KCNIP4: variants seen among roughly 807,000 people sequenced by gnomAD.
KCNIP4 encodes the protein Kv channel-interacting protein 4.
In KCNIP4, 12 loss-of-function variants were observed where a neutral mutation model predicts 34.0. The observed-to-expected ratio is 0.35, with a 90% confidence interval of 0.23 to 0.57. The LOEUF is 0.57. KCNIP4 is among the 20% of genes least tolerant of loss of function. The pLI, the probability that KCNIP4 is intolerant of heterozygous loss-of-function variation, is 0.83. For synonymous variants in KCNIP4, 124 were observed against 102.2 expected (o/e 1.21, Z -1.29); for missense variants, 238 against 311.7 (o/e 0.76, Z 1.78).
At chr4:20,901,638 G>A (rs973464061) in intron 1 of KCNIP4, among the ~76,000 whole-genome samples, 3 of 152,144 alleles carry the variant, frequency 2.0e-5, no homozygotes, top group African/African-American at 4.8e-5. Flanking sequence ...AATGGCATTG[G>A]TGATACATAG....
chr4:20,925,067 A>C (rs1416556815), intron 1 of KCNIP4, among the ~76,000 whole-genome samples: 5 of 152,192 alleles, frequency 3.3e-5, no homozygotes, highest in African/African-American at 1.2e-4. Flanking sequence ...AATGGTCTGA[A>C]TCACTATTTT....
At chr4:21,108,649 G>A (rs1425506633) in intron 1 of KCNIP4, among the ~76,000 whole-genome samples, 3 of 151,714 alleles carry the variant, frequency 2.0e-5, no homozygotes, top group African/African-American at 2.4e-5. Context: ...GAGGAACTGC[G>A]TTCCTTTGGA....
At chr4:20,860,232 C>T (rs556981802) in intron 2 of KCNIP4, among the ~76,000 whole-genome samples, 44 of 152,086 alleles carry the variant, frequency 2.9e-4, no homozygotes, top group African/African-American at 1.1e-3. Context: ...CTCCGCCTCC[C>T]AGGTTAAAGC....
intron 1 of KCNIP4, among the ~76,000 whole-genome samples, chr4:21,944,684 A>T (rs139543461): frequency 0.031 from 4,740 of 152,266 alleles, 99 homozygotes; most frequent in Middle Eastern, 0.068. Flanking sequence ...GTCAGACTTC[A>T]TGCTCAATAC....
Position 21,272,252 on chromosome 4 carries a change from A to G in KCNIP4, c.62-389543T>C, listed in dbSNP as rs79268488. ...TAAAGTTGTTGGGAAGTGTAAATGA[A>G]TTATTGTATGAAAAGCTCTGGGAAT... On this transcript the variant is annotated intron_variant, in intron 1 of 8. Transcript: ENST00000382152. Among the ~76,000 whole-genome samples the G allele has an allele frequency of 4.4e-4, 67 of 152,330 alleles. No individual in the cohort carries two copies. In the East Asian group the frequency reaches 0.012, roughly 28 times the overall value.
At chr4:21,821,486 A>G (rs1205594849) in intron 1 of KCNIP4, among the ~76,000 whole-genome samples, 1 of 152,190 alleles carries the variant, frequency 6.6e-6, no homozygotes, top group Non-Finnish European at 1.5e-5. Context: ...CGCAGTTGAA[A>G]TTGAGCAGGG....
intron 1 of KCNIP4, among the ~76,000 whole-genome samples, chr4:21,304,906 T>G (rs1408278988): frequency 6.6e-6 from 1 of 152,124 alleles, no homozygotes; most frequent in Non-Finnish European, 1.5e-5. Flanking sequence ...CAGTATTTAA[T>G]GTGTCCTTCT....
chr4:21,276,046 T>A (rs1762416066), intron 1 of KCNIP4, among the ~76,000 whole-genome samples: 1 of 152,224 alleles, frequency 6.6e-6, no homozygotes, highest in South Asian at 2.1e-4. Flanking sequence ...GGGCTACATG[T>A]GGCCTGCAGG....
At chr4:21,550,351 T>C (rs1179450227) in intron 1 of KCNIP4, among the ~76,000 whole-genome samples, 2 of 152,086 alleles carry the variant, frequency 1.3e-5, no homozygotes, top group Non-Finnish European at 2.9e-5. Context: ...GAGGGTAAAC[T>C]ACATTAATAA....
At chr4:21,442,197 ATCT>A (rs1227275194) in intron 1 of KCNIP4, among the ~76,000 whole-genome samples, 1 of 152,142 alleles carries the variant, frequency 6.6e-6, no homozygotes, top group Non-Finnish European at 1.5e-5. Flanking sequence ...TACCATAGAC[ATCT>A]TCCTCTCCCA....
intron 1 of KCNIP4, among the ~76,000 whole-genome samples, chr4:21,223,182 G>A (rs1560187752): frequency 6.6e-6 from 1 of 152,102 alleles, no homozygotes; most frequent in African/African-American, 2.4e-5. Context: ...GTGGGGCAGG[G>A]TCAGAAAAAG....
At chr4:20,759,886 C>T (rs966089828) in intron 3 of KCNIP4, among the ~76,000 whole-genome samples, 25 of 152,020 alleles carry the variant, frequency 1.6e-4, no homozygotes, top group African/African-American at 5.1e-4. Flanking sequence ...CCCTTGTTAT[C>T]CTTGGGGCAT....
At chr4:21,258,500 G>A (rs1355457494) in intron 1 of KCNIP4, among the ~76,000 whole-genome samples, 3 of 152,152 alleles carry the variant, frequency 2.0e-5, no homozygotes, top group South Asian at 2.1e-4. Context: ...GGAATTTTAT[G>A]AGGGAGGCAG....
At chr4:21,249,833 G>T (rs951333160) in intron 1 of KCNIP4, among the ~76,000 whole-genome samples, 1 of 152,010 alleles carries the variant, frequency 6.6e-6, no homozygotes. Flanking sequence ...TTATTTTAAG[G>T]CTTGTATAAT....
chr4:21,159,616 C>T lies in KCNIP4; in HGVS notation c.62-276907G>A, dbSNP rs1380381386. On this transcript the variant is annotated intron_variant, in intron 1 of 8. Coordinates refer to ENST00000382152, the MANE Select transcript of KCNIP4 (RefSeq NM_025221.6). ...GAAGCGCAAGGGGTCAGGGAGTTCC[C>T]TTTCCGAGTCAAAGAAAGGGGTGAC... Among the ~76,000 whole-genome samples the T allele has an allele frequency of 2.8e-4, 9 of 32,408 alleles. 1 individual carries two copies. The highest frequency in any genetic ancestry group is 5.2e-4 in the Non-Finnish European group (9 of 17,420). 21.3% of individuals were successfully genotyped at this position (32,408 alleles called of 152,430 possible).
At chr4:21,608,952 G>C (rs1354501896) in intron 1 of KCNIP4, 2 of 152,176 alleles carry the variant, frequency 1.3e-5, no homozygotes, top group Admixed American at 1.3e-4. Flanking sequence ...AGAGGTAGGT[G>C]GTGCTTCCTC....
At chr4:21,390,649 T>G (rs750990928) in intron 1 of KCNIP4, among the ~76,000 whole-genome samples, 1 of 152,226 alleles carries the variant, frequency 6.6e-6, no homozygotes, top group Non-Finnish European at 1.5e-5. Flanking sequence ...TTTGTTCTGT[T>G]CCATTGGTCT....
At position 21,350,169 on chromosome 4, in the gene KCNIP4, T is replaced by G. The variant is rs1012759489; in HGVS notation, c.62-467460A>C. Among the ~76,000 whole-genome samples, 6 of 152,306 alleles carry G rather than the reference T, an allele frequency of 3.9e-5. No homozygotes were observed. In the East Asian group the frequency reaches 1.2e-3, roughly 29 times the overall value. The stretch of plus-strand genomic sequence containing the variant: ...AATTATTTGGGAATCCAAAGAAAAC[T>G]GGTATGAACATACCAGGTTATCACT... On this transcript the variant is annotated intron_variant, in intron 1 of 8. Transcript: ENST00000382152.
chr4:21,472,941 A>T (rs983588415), intron 1 of KCNIP4, among the ~76,000 whole-genome samples: 1 of 152,220 alleles, frequency 6.6e-6, no homozygotes, highest in Non-Finnish European at 1.5e-5. Flanking sequence ...ACTTCTAAAA[A>T]TATGTCCTCT....
Sources: allele counts gnomAD v4.1 joint callset (sites outside exome capture counted in the v4.1 genomes callset), GRCh38; gene constraint gnomAD v4.1.1; transcripts MANE v1.5; gene names NCBI Gene and HGNC (gene_info 2026-07-23, HGNC 2026-07-21).